The following ADGRB3 variants were observed in gnomAD, a reference collection of about 807,000 sequenced individuals.
ADGRB3 encodes the protein brain-specific angiogenesis inhibitor 3.
ADGRB3 carries 37 observed loss-of-function variants against 193.4 expected under a neutral mutation model. That is an observed-to-expected ratio of 0.19 (90% CI 0.15 to 0.25). The LOEUF (loss-of-function observed/expected upper bound fraction) is 0.25. Ranked by LOEUF, ADGRB3 falls within the 10% of genes least tolerant of loss-of-function variation. The pLI is 1.00. For synonymous variants in ADGRB3, 690 were observed against 644.2 expected, an observed-to-expected ratio of 1.07 and a Z score of -1.08; for missense variants, 1,637 against 1,852.9, an observed-to-expected ratio of 0.88 and a Z score of 2.14.
At chr6:68,677,521 C>CTTTTTT (rs1002070733) in intron 3 of ADGRB3, among the ~76,000 whole-genome samples, 4 of 120,336 alleles carry the variant, frequency 3.3e-5, no homozygotes, top group South Asian at 2.7e-4. Flanking sequence ...TTCTTTTTTT[C>CTTTTTT]TTTTTTTTTT....
chr6:69,179,958 C>T (rs1775536298), intron 17 of ADGRB3, among the ~76,000 whole-genome samples: 1 of 152,194 alleles, frequency 6.6e-6, no homozygotes, highest in South Asian at 2.1e-4. Flanking sequence ...CTCTCCTCAG[C>T]TTCTGGGTGC....
At chr6:69,064,789 A>T (rs1269960818) in intron 16 of ADGRB3, among the ~76,000 whole-genome samples, 2 of 152,094 alleles carry the variant, frequency 1.3e-5, no homozygotes, top group Non-Finnish European at 2.9e-5. Context: ...AACTTAAAGG[A>T]CATGTTAAAG....
chr6:69,192,072 A>T (rs928885556), intron 17 of ADGRB3, among the ~76,000 whole-genome samples: 1 of 152,150 alleles, frequency 6.6e-6, no homozygotes, highest in African/African-American at 2.4e-5. Flanking sequence ...GAGGGATGGA[A>T]CTAATAGGAT....
At chr6:68,968,873 A>G (rs1358607640) in intron 8 of ADGRB3, among the ~76,000 whole-genome samples, 2 of 152,164 alleles carry the variant, frequency 1.3e-5, no homozygotes, top group African/African-American at 4.8e-5. Context: ...TTGTTATTTC[A>G]ATTTAAATGT....
intron 3 of ADGRB3, among the ~76,000 whole-genome samples, chr6:68,895,067 A>G (rs967467316): frequency 2.6e-5 from 4 of 151,972 alleles, no homozygotes; most frequent in African/African-American, 9.7e-5. Context: ...TATACTTTTT[A>G]AACACAATAA....
At chr6:69,195,674 C>T (rs1241165002) in intron 17 of ADGRB3, among the ~76,000 whole-genome samples, 2 of 151,676 alleles carry the variant, frequency 1.3e-5, no homozygotes, top group Non-Finnish European at 2.9e-5. Context: ...TCATTTATTG[C>T]TTTTATATTT....
intron 3 of ADGRB3, among the ~76,000 whole-genome samples, chr6:68,833,428 C>T (rs1035022300): frequency 2.6e-5 from 4 of 151,340 alleles, no homozygotes; most frequent in Admixed American, 1.3e-4. Context: ...CACAATATAT[C>T]GAGTCCTTCA....
chr6:68,849,506 T>A (rs1477932056), intron 3 of ADGRB3, among the ~76,000 whole-genome samples: 2 of 151,976 alleles, frequency 1.3e-5, no homozygotes, highest in African/African-American at 4.8e-5. Context: ...AATAAGATTA[T>A]TACACCTTTT....
intron 17 of ADGRB3, among the ~76,000 whole-genome samples, chr6:69,138,894 A>T (rs1166235656): frequency 6.6e-6 from 1 of 152,110 alleles, no homozygotes; most frequent in Admixed American, 6.5e-5. Context: ...CTGTCAAAAG[A>T]CTCTAGAGGA....
intron 29 of ADGRB3, among the ~76,000 whole-genome samples, chr6:69,369,313 T>C (rs1050778650): frequency 6.6e-6 from 1 of 152,156 alleles, no homozygotes; most frequent in Non-Finnish European, 1.5e-5. Context: ...ACTGTATGTA[T>C]ACCAACGGTG....
intron 17 of ADGRB3, among the ~76,000 whole-genome samples, chr6:69,124,178 A>G (rs1447726271): frequency 6.6e-6 from 1 of 152,082 alleles, no homozygotes; most frequent in African/African-American, 2.4e-5. Context: ...TGTTGTCCAA[A>G]TGAATGTCTT....
intron 3 of ADGRB3, among the ~76,000 whole-genome samples, chr6:68,887,101 G>T (rs1432047881): frequency 1.3e-5 from 2 of 151,430 alleles, no homozygotes; most frequent in Non-Finnish European, 3.0e-5. Context: ...ATATATGTGG[G>T]TATTAACGCA....
chr6:68,708,063 T>C (rs1765354562), intron 3 of ADGRB3, among the ~76,000 whole-genome samples: 1 of 152,172 alleles, frequency 6.6e-6, no homozygotes. Context: ...AATTTCCACT[T>C]ATTCTGAGGC....
intron 3 of ADGRB3, among the ~76,000 whole-genome samples, chr6:68,733,587 A>G (rs946876103): frequency 2.2e-4 from 33 of 151,794 alleles, no homozygotes; most frequent in Admixed American, 9.2e-4. Flanking sequence ...AACATTAGAC[A>G]ATATAACCAT....
At chr6:69,078,208 G>T (rs1484348776) in intron 17 of ADGRB3, among the ~76,000 whole-genome samples, 5 of 151,908 alleles carry the variant, frequency 3.3e-5, no homozygotes, top group African/African-American at 1.2e-4. Context: ...GGTTTATCAA[G>T]TTGCTGTTAT....
chr6:69,366,886 A>G (rs951358805), intron 29 of ADGRB3, among the ~76,000 whole-genome samples: 4 of 152,138 alleles, frequency 2.6e-5, no homozygotes, highest in African/African-American at 9.6e-5. Context: ...GCCCTCTGCT[A>G]GATGCTGCGG....
intron 10 of ADGRB3, among the ~76,000 whole-genome samples, chr6:68,987,676 A>C (rs1272626664): frequency 2.6e-5 from 4 of 152,138 alleles, no homozygotes; most frequent in Admixed American, 6.6e-5. Context: ...GTCACTACTT[A>C]GGAGCTATGC....
intron 24 of ADGRB3, 82 bp from the exon 25 acceptor site, chr6:69,338,833 TA>T (rs1235294289): frequency 3.4e-6 from 4 of 1,168,820 alleles, no homozygotes; most frequent in Admixed American, 3.7e-5. Context: ...AAATCGTATT[TA>T]AAAGCTAACT....
chr6:68,877,580 C>G (rs1306139326), intron 3 of ADGRB3, among the ~76,000 whole-genome samples: 1 of 152,040 alleles, frequency 6.6e-6, no homozygotes, highest in Non-Finnish European at 1.5e-5. Context: ...CCTAAAGGAC[C>G]TTTGTTCTCA....
Sources: gnomAD v4.1 joint callset for allele counts (sites outside exome capture counted in the v4.1 genomes callset) on GRCh38, gnomAD v4.1.1 for gene constraint, MANE v1.5 for transcripts, NCBI Gene and HGNC (gene_info 2026-07-23, HGNC 2026-07-21) for gene names.